The following FNDC3A variants were observed in gnomAD, a reference collection of about 807,000 sequenced individuals.
FNDC3A encodes fibronectin type III domain containing 3A, also known as fibronectin type-III domain-containing protein 3A.
A neutral mutation model predicts 148.9 loss-of-function variants in FNDC3A; 32 were observed. The ratio of observed to expected loss-of-function variants is 0.21; its 90% CI spans 0.16 to 0.29. The LOEUF (loss-of-function observed/expected upper bound fraction) is 0.29. Among genes scored for constraint, FNDC3A ranks in the 10% least tolerant of loss-of-function variants. The pLI is 1.00. For synonymous variants in FNDC3A, 472 were observed against 473.6 expected, an observed-to-expected ratio of 1.00 and a Z score of 0.04; for missense variants, 1,191 against 1,452.8, an observed-to-expected ratio of 0.82 and a Z score of 2.93.
intron 1 of FNDC3A, among the ~76,000 whole-genome samples, chr13:48,984,485 T>C (rs774864720): frequency 2.6e-5 from 4 of 152,096 alleles, no homozygotes; most frequent in African/African-American, 4.8e-5. Flanking sequence ...ATCAAAGGAA[T>C]AGAATAATAA....
At chr13:49,043,165 T>C (rs1181760055) in intron 2 of FNDC3A, among the ~76,000 whole-genome samples, 1 of 151,600 alleles carries the variant, frequency 6.6e-6, no homozygotes, top group Non-Finnish European at 1.5e-5. Flanking sequence ...AGGGTCTTAC[T>C]GTGTTGCTTA....
At chr13:49,202,902 A>G (rs1295415160) in intron 24 of FNDC3A, among the ~76,000 whole-genome samples, 1 of 152,196 alleles carries the variant, frequency 6.6e-6, no homozygotes, top group Non-Finnish European at 1.5e-5. Flanking sequence ...GCTGCACAGG[A>G]GGCTGAGGCT....
chr13:49,118,334 A>G (rs936314753), intron 4 of FNDC3A, among the ~76,000 whole-genome samples: 10 of 152,036 alleles, frequency 6.6e-5, no homozygotes, highest in Admixed American at 3.9e-4. Context: ...CAGATACCAC[A>G]CTTTTCCCAC....
rs1193568476 is a variant in FNDC3A, at chr13:49,125,418, ATTGT to A, written c.253-5716_253-5713del. On this transcript the variant is annotated intron_variant, in intron 4 of 25. Transcript: ENST00000492622. ...GTTTGTTAAATGAATGGCCTATGTT[ATTGT>A]TTAAGAGCTTAAAGTTGTTTTGAGC... 4.7e-4 allele frequency among the ~76,000 whole-genome samples: 72 copies of A among 152,304 alleles called. 1 individual carries two copies. The highest frequency in any genetic ancestry group is 2.8e-4 in the Non-Finnish European group (19 of 68,024).
chr13:49,105,125 A>G (rs989807612), intron 3 of FNDC3A, among the ~76,000 whole-genome samples: 5 of 152,232 alleles, frequency 3.3e-5, no homozygotes, highest in African/African-American at 1.2e-4. Context: ...TAGGTGGGAA[A>G]CATGGACTGG....
At chr13:49,168,499 C>T in intron 9 of FNDC3A, 114 bp from the exon 10 acceptor site, 6 of 607,840 alleles carry the variant, frequency 9.9e-6, no homozygotes, top group South Asian at 3.9e-5. Context: ...GTCATATTTT[C>T]TTGATAGAAC....
chr13:49,106,773 C>CAAAAAAAAAAAAAAAAAAAAACA (rs543962565), intron 3 of FNDC3A, among the ~76,000 whole-genome samples: 9 of 79,860 alleles, frequency 1.1e-4, no homozygotes, highest in East Asian at 4.0e-4. Flanking sequence ...TGAATGAAAG[C>CAAAAAAAAAAAAAAAAAAAAACA]AAAAAAAAAA....
chr13:49,202,456 T>A (rs1444302201), intron 24 of FNDC3A, among the ~76,000 whole-genome samples: 1 of 152,164 alleles, frequency 6.6e-6, no homozygotes, highest in Non-Finnish European at 1.5e-5. Flanking sequence ...ATCTTTTAAT[T>A]TTAGAGGGGT....
chr13:49,082,827 A>G (rs550361542), intron 3 of FNDC3A, among the ~76,000 whole-genome samples: 1 of 152,118 alleles, frequency 6.6e-6, no homozygotes, highest in Non-Finnish European at 1.5e-5. Flanking sequence ...GATATCATCA[A>G]GAAGGTATGT....
At chr13:49,175,249 G>C (rs1566306770) in intron 12 of FNDC3A, 118 bp from the exon 13 acceptor site, 1 of 589,478 alleles carries the variant, frequency 1.7e-6, no homozygotes, top group Non-Finnish European at 2.8e-6. Flanking sequence ...TATATTATTT[G>C]TATTATAATT....
At chr13:49,147,552 G>A (rs117515272) in intron 8 of FNDC3A, among the ~76,000 whole-genome samples, 1,889 of 151,854 alleles carry the variant, frequency 0.012, 14 homozygotes, top group Non-Finnish European at 0.02. Context: ...AAAAAGTAGG[G>A]AATAGGCTGG....
chr13:49,061,396 C>T lies in FNDC3A; in HGVS notation c.100-13893C>T, dbSNP rs537193495. 6.8e-3 allele frequency among the ~76,000 whole-genome samples: 89 copies of T among 13,142 alleles called. 23 individuals are homozygous for T. Among genetic ancestry groups the T allele is most frequent in the African/African-American group, 0.013 (27 of 2,080 alleles). The allele number at this position is 13,142 out of a possible 152,430, so 8.6% of individuals were successfully genotyped here. A position where few individuals can be genotyped will look rare whatever the true frequency, so the allele number is the denominator to read the frequency against. On this transcript the variant is annotated intron_variant, in intron 2 of 25. Transcript: ENST00000492622. Reference sequence around the variant, plus strand: ...TCCCTTCCCTTCCCTTCCCTTCCCTCCCCTTCCCTCCCCTCCCCTCCCCTC... The same window carrying T: ...TCCCTTCCCTTCCCTTCCCTTCCCTTCCCTTCCCTCCCCTCCCCTCCCCTC...
intron 2 of FNDC3A, among the ~76,000 whole-genome samples, chr13:49,012,349 G>A (rs547290694): frequency 5.3e-5 from 8 of 152,056 alleles, no homozygotes; most frequent in East Asian, 1.9e-4. Context: ...TCCTGACCTC[G>A]TGATCTGCCC....
chr13:49,131,104 G>A, intron 4 of FNDC3A, 33 bp from the exon 5 acceptor site: 1 of 1,503,778 alleles, frequency 6.6e-7, no homozygotes, highest in Non-Finnish European at 9.3e-7. Context: ...TATATTCTAT[G>A]GAAGAAATTT....
In FNDC3A at chr13:49,208,317, G is replaced by T. The variant is rs1294860042; in HGVS notation, c.*922G>T. 6.6e-6 allele frequency: 1 copy of T among 152,532 alleles called. No individual in the cohort carries two copies. The highest frequency in any genetic ancestry group is 2.4e-5 in the African/African-American group (1 of 41,418). The allele number at this position is 152,532 out of a possible 1,614,324, so 9.4% of individuals were successfully genotyped here. On this transcript the variant is annotated 3_prime_UTR_variant, in exon 26 of 26. Transcript: ENST00000492622. Reference sequence around the variant, plus strand: ...TACATACATACACTCACTCTGTCTGGTATAGGCTAATTTTGAAGAACTCCC... The same window carrying T: ...TACATACATACACTCACTCTGTCTGTTATAGGCTAATTTTGAAGAACTCCC...
At chr13:49,166,091 C>A (rs965285162) in intron 8 of FNDC3A, among the ~76,000 whole-genome samples, 1 of 152,132 alleles carries the variant, frequency 6.6e-6, no homozygotes, top group African/African-American at 2.4e-5. Flanking sequence ...GACCCCCAGG[C>A]CCAAGGAAGA....
chr13:49,081,309 G>A (rs761484067), intron 3 of FNDC3A, among the ~76,000 whole-genome samples: 1 of 152,246 alleles, frequency 6.6e-6, no homozygotes, highest in African/African-American at 2.4e-5. Flanking sequence ...ATACACAGAC[G>A]AGCTATGCTT....
chr13:49,150,848 G>A (rs1054673820), intron 8 of FNDC3A, among the ~76,000 whole-genome samples: 2 of 151,428 alleles, frequency 1.3e-5, no homozygotes, highest in African/African-American at 4.9e-5. Flanking sequence ...GGGAGGCTGA[G>A]GCAGGGGAAT....
rs559214729 is a variant in FNDC3A at position 49,201,990 on chromosome 13, T to C, written c.3154+24T>C. ...AGGTAAGTTATACATCCTGAACTTA[T>C]TTTCTTTATAATAAATTACTTTTTA... On this transcript the variant is annotated intron_variant, in intron 24 of 25. Coordinates refer to ENST00000492622, the MANE Select transcript of FNDC3A (RefSeq NM_001079673.2). 1.4e-5 allele frequency: 19 copies of C among 1,393,028 alleles called. 1 individual carries two copies. The Middle Eastern group carries it at 2.6e-3, about 193-fold the overall frequency. 86.3% of individuals were successfully genotyped at this position (1,393,028 alleles called of 1,614,324 possible).
Sources: gnomAD v4.1 joint callset for allele counts (sites outside exome capture counted in the v4.1 genomes callset) on GRCh38, gnomAD v4.1.1 for gene constraint, MANE v1.5 for transcripts, NCBI Gene and HGNC (gene_info 2026-07-23, HGNC 2026-07-21) for gene names.